Variants in FLT4 observed in about 807,000 individuals in gnomAD.
The protein encoded by FLT4 is vascular endothelial growth factor receptor 3.
Under a neutral mutation model 163.2 loss-of-function variants are expected in FLT4, and 30 were observed. The observed-to-expected ratio is 0.18, with a 90% CI of 0.14 to 0.25. FLT4 has a LOEUF of 0.25. Ranked by LOEUF, FLT4 falls within the 10% of genes least tolerant of loss-of-function variation. The pLI is 1.00. For synonymous variants in FLT4, 884 were observed against 789.5 expected (o/e 1.12, Z -2.01); for missense variants, 1,510 against 1,863.8 (o/e 0.81, Z 3.50).
At chr5:180,610,425 G>A (rs1762086369) in intron 27 of FLT4, among the ~76,000 whole-genome samples, 1 of 152,258 alleles carries the variant, frequency 6.6e-6, no homozygotes, top group Admixed American at 6.5e-5. Context: ...TTTGTGGAAG[G>A]AGCCTGGCAG....
At position 180,629,324 on chromosome 5, in the gene FLT4, G is replaced by A. The variant is rs756911426; in HGVS notation, c.920C>T (p.Ser307Leu). Residue 307 changes from serine (S) to leucine (L), a missense_variant, in exon 7 of 30, where the codon TCG becomes TTG. Physicochemically the swap from Ser to Leu is moderately radical, Grantham distance 145 (BLOSUM62 -2). Coordinates refer to ENST00000261937, the MANE Select transcript of FLT4 (RefSeq NM_182925.5). ...GCCGTTGTTGGCCTTGCACACATAC[G>A]AGCCCAGGTCGTGCTGGCTGACGTT... ...IHNVSQHDLG[S>L]YVCKANNGIQ... 26 of 1,613,190 alleles carry A rather than the reference G, an allele frequency of 1.6e-5. No homozygotes were observed. The highest frequency in any genetic ancestry group is 2.2e-5 in the East Asian group (1 of 44,890).
chr5:180,614,287 G>A (rs1762456503), intron 23 of FLT4, 108 bp from the exon 24 acceptor site: 1 of 677,628 alleles, frequency 1.5e-6, no homozygotes, highest in Non-Finnish European at 2.7e-6. Flanking sequence ...GGTGGATGGG[G>A]AGACGGAGGG....
chr5:180,621,478 CA>C, intron 13 of FLT4, 63 bp downstream of exon 13: 1 of 1,588,094 alleles, frequency 6.3e-7, no homozygotes. Context: ...CACGCCGGGG[CA>C]AAGGCAGAGG....
chr5:180,643,559 G>A (rs1451308349), intron 1 of FLT4, among the ~76,000 whole-genome samples: 6 of 152,062 alleles, frequency 3.9e-5, no homozygotes, highest in African/African-American at 1.4e-4. Context: ...GATCTTTCTA[G>A]AACACAAGTC....
intron 1 of FLT4, among the ~76,000 whole-genome samples, chr5:180,644,899 G>A (rs1332000039): frequency 6.6e-6 from 1 of 152,256 alleles, no homozygotes; most frequent in South Asian, 2.1e-4. Flanking sequence ...GAGCGGGAAC[G>A]AAGCCATCAC....
rs1581675383 is a variant in FLT4 at position 180,629,525 on chromosome 5, A to G, written c.817-98T>C. ...CCAGCCCAGCCAGCGGTGGCTCCGG[A>G]AGCCCTGGACCCAGGCCCTGAGTTT... On this transcript the variant is annotated intron_variant, in intron 6 of 29. Transcript: ENST00000261937. The G allele has an allele frequency of 2.6e-6, 4 of 1,520,130 alleles. No homozygotes were observed. In the East Asian group the frequency reaches 9.2e-5, roughly 35 times the overall value. 94.2% of individuals were successfully genotyped at this position (1,520,130 alleles called of 1,614,324 possible).
chr5:180,626,371 G>A, intron 8 of FLT4, 106 bp from the exon 9 acceptor site: 2 of 1,285,202 alleles, frequency 1.6e-6, no homozygotes, highest in South Asian at 1.2e-5. Context: ...GGGGCTGGCA[G>A]GAGTGCAGGG....
intron 1 of FLT4, 23 bp from the exon 2 acceptor site, chr5:180,631,801 C>G (rs773562174): frequency 1.9e-6 from 3 of 1,549,376 alleles, no homozygotes; most frequent in Non-Finnish European, 2.7e-6. Flanking sequence ...ACAGGGTCAG[C>G]GTGGTGCTGG....
chr5:180,646,585 C>T (rs1437824925), intron 1 of FLT4, among the ~76,000 whole-genome samples: 4 of 152,210 alleles, frequency 2.6e-5, no homozygotes, highest in African/African-American at 9.6e-5. Context: ...GTGCAGCTTA[C>T]AGCCACCAGC....
chr5:180,613,021 T>C lies in FLT4; in HGVS notation c.3421A>G (p.Thr1141Ala), dbSNP rs1762334743. Residue 1141 changes from threonine (T) to alanine (A), a missense_variant, in exon 25 of 30, where the codon ACT becomes GCT. By Grantham distance (58) the Thr-to-Ala change is moderately conservative (BLOSUM62 0). Transcript: ENST00000261937. ...CATGGGGAGGCTCACATGGCGGGAG[T>C]GGCCAGCTCCGGGGCCCTCATCCTT... ...GTRMRAPELATPAIRRIMLNC... is the reference protein window; with the variant it reads ...GTRMRAPELAAPAIRRIMLNC... The C allele has an allele frequency of 6.2e-7, 1 of 1,611,282 alleles. No individual in the cohort carries two copies. Among genetic ancestry groups the C allele is most frequent in the South Asian group, 1.1e-5 (1 of 90,856 alleles).
Position 180,616,940 on chromosome 5 carries a change from AAGCTGT to A in FLT4, c.3050_3055del (p.Tyr1017_Ser1018del). Reference sequence around the variant, plus strand: ...GAACTCCATCCCTCTGGCCACCTGGAAGCTGTAGCAGACAAGATCTTCCATGGTCAG... The same window carrying A: ...GAACTCCATCCCTCTGGCCACCTGGAAGCAGACAAGATCTTCCATGGTCAG... On this transcript the variant is annotated inframe_deletion, in exon 22 of 30. Transcript: ENST00000261937. 1 of 1,613,434 alleles carries A rather than the reference AAGCTGT, an allele frequency of 6.2e-7. No individual in the cohort carries two copies. The highest frequency in any genetic ancestry group is 8.5e-7 in the Non-Finnish European group (1 of 1,179,950).
Position 180,620,219 on chromosome 5 carries a change from G to A in FLT4, c.2496C>T (p.Ser832=), listed in dbSNP as rs796052103. The change falls in exon 17 of 30, where the codon TCC becomes TCT. Residue 832 remains serine (S), a synonymous_variant. Transcript: ENST00000261937. The surrounding 1 kb of genome is among the most constrained non-coding windows in gnomAD (Gnocchi z 4.4). The stretch of plus-strand genomic sequence containing the variant: ...GGAATTCCCACTGGCTGGCATCGTA[G>A]GACAGGTATTCGCATTGCTCCTCCA... ...VPLEEQCEYL[S]YDASQWEFPR... The A allele has an allele frequency of 1.2e-6, 2 of 1,611,272 alleles. No homozygotes were observed. The highest frequency in any genetic ancestry group is 1.7e-6 in the Non-Finnish European group (2 of 1,179,980).
intron 24 of FLT4, chr5:180,613,754 CTCTTGGAGT>C: frequency 2.2e-6 from 1 of 448,780 alleles, no homozygotes; most frequent in Non-Finnish European, 4.2e-6. Flanking sequence ...GCTCTTGGAG[CTCTTGGAGT>C]AGGCACGTCT....
intron 26 of FLT4, 140 bp from the exon 27 acceptor site, chr5:180,611,619 C>CCGCCCT (rs1762209012): frequency 1.1e-6 from 1 of 881,598 alleles, no homozygotes; most frequent in Admixed American, 2.1e-5. Context: ...GCTCTCGCCC[C>CCGCCCT]CGCCCTCGCC....
intron 1 of FLT4, among the ~76,000 whole-genome samples, chr5:180,640,115 T>TGCTG (rs1764992586): frequency 6.6e-6 from 1 of 152,134 alleles, no homozygotes; most frequent in Non-Finnish European, 1.5e-5. Context: ...AGGAGGGTCC[T>TGCTG]GCACCTCCCC....
chr5:180,621,097 C>T lies in FLT4; in HGVS notation c.2167+9G>A, dbSNP rs1763107646. 1 of 1,612,756 alleles carries T rather than the reference C, an allele frequency of 6.2e-7. No homozygotes were observed. Among genetic ancestry groups the T allele is most frequent in the Non-Finnish European group, 8.5e-7 (1 of 1,179,962 alleles). On this transcript the variant is annotated intron_variant, in intron 14 of 29. Coordinates refer to ENST00000261937, the MANE Select transcript of FLT4 (RefSeq NM_182925.5). ...CGGACCTGCCCTTCGCCAGGGCCAC[C>T]CTCCCTACCAGACTTTTCCTCCAGC...
upstream of FLT4, chr5:180,649,758 C>G (rs2127879771): frequency 5.8e-6 from 1 of 171,860 alleles, no homozygotes; most frequent in East Asian, 1.7e-4. Context: ...CTCCGCACCA[C>G]AGGGTCCGGG....
At position 180,620,457 on chromosome 5, in the gene FLT4, G is replaced by A; in HGVS notation, c.2407-149C>T. 6 of 1,256,092 alleles carry A rather than the reference G, an allele frequency of 4.8e-6. No individual in the cohort carries two copies. The highest frequency in any genetic ancestry group is 1.2e-5 in the South Asian group (1 of 80,718). 77.8% of individuals were successfully genotyped at this position (1,256,092 alleles called of 1,614,324 possible). A position where few individuals can be genotyped will look rare whatever the true frequency, so the allele number is the denominator to read the frequency against. On this transcript the variant is annotated intron_variant, in intron 16 of 29. Transcript: ENST00000261937. The surrounding 1 kb of genome is among the most constrained non-coding windows in gnomAD (Gnocchi z 4.4). The stretch of plus-strand genomic sequence containing the variant: ...AGAAAAAAAGACAGACAACCTCTGC[G>A]GGGTTGGAGCCCAGCGTGAAGGGCA...
At position 180,621,914 on chromosome 5, in the gene FLT4, G is replaced by A; in HGVS notation, c.1658-10C>T. 1 of 1,613,186 alleles carries A rather than the reference G, an allele frequency of 6.2e-7. No individual in the cohort carries two copies. The highest frequency in any genetic ancestry group is 1.3e-5 in the African/African-American group (1 of 75,034). On this transcript the variant is annotated splice_polypyrimidine_tract_variant and intron_variant, in intron 12 of 29. Coordinates refer to ENST00000261937, the MANE Select transcript of FLT4 (RefSeq NM_182925.5). ...AAGCCGTCGGGGATGGCTGTGGAGGGAGGAAGAAGCCCTGTGGCACTGCCC... is the reference window on the plus strand; with the variant it reads ...AAGCCGTCGGGGATGGCTGTGGAGGAAGGAAGAAGCCCTGTGGCACTGCCC...
Sources: allele counts gnomAD v4.1 joint callset (sites outside exome capture counted in the v4.1 genomes callset), GRCh38; gene constraint gnomAD v4.1.1; non-coding constraint Gnocchi (gnomAD v3.1); transcripts MANE v1.5; gene names NCBI Gene and HGNC (gene_info 2026-07-23, HGNC 2026-07-21).